MYRIP: variants seen among roughly 807,000 people sequenced by gnomAD.
MYRIP encodes the protein myosin VIIA and Rab interacting protein.
A neutral mutation model predicts 98.0 loss-of-function variants in MYRIP; 49 were observed. The ratio of observed to expected loss-of-function variants is 0.50; its 90% CI spans 0.40 to 0.63. MYRIP has a LOEUF of 0.63. Ranked by LOEUF, MYRIP falls within the 30% of genes least tolerant of loss-of-function variation. MYRIP has a pLI of 0.00. For synonymous variants in MYRIP, 404 were observed against 409.5 expected (o/e 0.99, Z 0.16); for missense variants, 1,004 against 1,058.2 (o/e 0.95, Z 0.71).
At chr3:39,976,649 T>C (rs1329920929) in intron 2 of MYRIP, among the ~76,000 whole-genome samples, 1 of 152,184 alleles carries the variant, frequency 6.6e-6, no homozygotes, top group Non-Finnish European at 1.5e-5. Context: ...CCAACCCAAA[T>C]GTCCAACAAT....
intron 1 of MYRIP, among the ~76,000 whole-genome samples, chr3:39,835,598 GT>G (rs11359496): frequency 0.33 from 50,700 of 151,882 alleles, 8,846 homozygotes; most frequent in African/African-American, 0.42. Flanking sequence ...CTATAAGTAA[GT>G]TTTTTTTATT....
chr3:39,916,782 A>G (rs1944173720), intron 2 of MYRIP, among the ~76,000 whole-genome samples: 1 of 152,154 alleles, frequency 6.6e-6, no homozygotes. Flanking sequence ...CATTTAACAT[A>G]TAGAGGCCCT....
chr3:40,007,253 C>T lies in MYRIP; in HGVS notation c.111-36797C>T, dbSNP rs139367749. On this transcript the variant is annotated intron_variant, in intron 2 of 16. Transcript: ENST00000302541. ...AAAATTCTGATCAGTTGTCAGAGGACCATTCATGTCCTAGGACTTGGCCAT... is the reference window on the plus strand; with the variant it reads ...AAAATTCTGATCAGTTGTCAGAGGATCATTCATGTCCTAGGACTTGGCCAT... Among the ~76,000 whole-genome samples, 165 of 152,104 alleles carry T rather than the reference C, an allele frequency of 1.1e-3. 2 individuals carry two copies. In the East Asian group the frequency reaches 0.027, roughly 25 times the overall value.
At chr3:40,032,385 G>A (rs1195507418) in intron 2 of MYRIP, among the ~76,000 whole-genome samples, 1 of 152,158 alleles carries the variant, frequency 6.6e-6, no homozygotes, top group Non-Finnish European at 1.5e-5. Flanking sequence ...ACTGTGGTCT[G>A]AGAGACAGTT....
intron 12 of MYRIP, 50 bp downstream of exon 12, chr3:40,234,103 A>C (rs370620623): frequency 3.5e-5 from 54 of 1,529,252 alleles, no homozygotes; most frequent in African/African-American, 4.2e-5. Context: ...TGTGAAGAAG[A>C]AGCTGATGAA....
chr3:39,945,170 C>T (rs1346307689), intron 2 of MYRIP, among the ~76,000 whole-genome samples: 1 of 151,402 alleles, frequency 6.6e-6, no homozygotes, highest in African/African-American at 2.4e-5. Context: ...TATTTGGTTA[C>T]CTTAAGAATA....
chr3:40,070,576 C>T (rs556665684), intron 3 of MYRIP, among the ~76,000 whole-genome samples: 41 of 152,288 alleles, frequency 2.7e-4, no homozygotes, highest in African/African-American at 9.6e-4. Context: ...AGGAACCAGC[C>T]TGGTTCCTAA....
At chr3:39,813,622 T>G (rs1559483118) in intron 1 of MYRIP, among the ~76,000 whole-genome samples, 2 of 152,224 alleles carry the variant, frequency 1.3e-5, no homozygotes, top group African/African-American at 4.8e-5. Context: ...CTAGCTGAGT[T>G]GTACTCTTCT....
intron 2 of MYRIP, among the ~76,000 whole-genome samples, chr3:39,916,755 C>T (rs1944173245): frequency 6.6e-6 from 1 of 151,992 alleles, no homozygotes; most frequent in South Asian, 2.1e-4. Context: ...TATGCCACAA[C>T]TAGATATTAA....
chr3:40,091,228 T>G, intron 3 of MYRIP, among the ~76,000 whole-genome samples: 1 of 148,698 alleles, frequency 6.7e-6, no homozygotes, highest in Admixed American at 6.6e-5. Flanking sequence ...GAGGGTAGAG[T>G]AGAAGAGGGT....
chr3:39,820,380 G>A (rs374571055), intron 1 of MYRIP, among the ~76,000 whole-genome samples: 1 of 79,764 alleles, frequency 1.3e-5, no homozygotes, highest in Non-Finnish European at 2.5e-5. Flanking sequence ...TTTACATGAT[G>A]GTTTTGTTTG....
chr3:40,077,974 A>G (rs1040967057), intron 3 of MYRIP, among the ~76,000 whole-genome samples: 1 of 152,204 alleles, frequency 6.6e-6, no homozygotes, highest in Non-Finnish European at 1.5e-5. Flanking sequence ...GCCGTGGAGC[A>G]GGGGGTGGCG....
chr3:40,125,006 C>T (rs1246462094), intron 3 of MYRIP, among the ~76,000 whole-genome samples: 1 of 152,174 alleles, frequency 6.6e-6, no homozygotes, highest in Non-Finnish European at 1.5e-5. Flanking sequence ...CAGATTCCTC[C>T]TCTGTGAAGT....
chr3:39,896,777 T>C (rs1047181211), intron 1 of MYRIP, among the ~76,000 whole-genome samples: 6 of 152,244 alleles, frequency 3.9e-5, no homozygotes, highest in African/African-American at 1.2e-4. Context: ...GGTACTTTAA[T>C]AGAATATCAC....
chr3:40,029,031 A>G (rs1276558851), intron 2 of MYRIP, among the ~76,000 whole-genome samples: 2 of 152,152 alleles, frequency 1.3e-5, no homozygotes, highest in African/African-American at 2.4e-5. Context: ...AGCTCAAGTT[A>G]TCTTATGGAT....
chr3:39,814,567 T>C (rs1285118687), intron 1 of MYRIP, among the ~76,000 whole-genome samples: 2 of 152,214 alleles, frequency 1.3e-5, no homozygotes, highest in Non-Finnish European at 2.9e-5. Context: ...TACTATTTTC[T>C]CACTTATTTT....
At chr3:40,009,777 T>G (rs1370574329) in intron 2 of MYRIP, among the ~76,000 whole-genome samples, 3 of 152,176 alleles carry the variant, frequency 2.0e-5, no homozygotes, top group Non-Finnish European at 2.9e-5. Context: ...AAAACAGTGA[T>G]TTTATCCCGT....
chr3:40,236,344 G>A (rs1181939517), intron 12 of MYRIP, among the ~76,000 whole-genome samples: 1 of 152,134 alleles, frequency 6.6e-6, no homozygotes, highest in Non-Finnish European at 1.5e-5. Context: ...CTATGTTTAG[G>A]TTAAAGGACT....
At chr3:39,938,109 G>A (rs1156718263) in intron 2 of MYRIP, among the ~76,000 whole-genome samples, 1 of 152,130 alleles carries the variant, frequency 6.6e-6, no homozygotes, top group African/African-American at 2.4e-5. Context: ...ATCAAGAAGT[G>A]TGAACTGTCT....
Sources: allele counts gnomAD v4.1 joint callset (sites outside exome capture counted in the v4.1 genomes callset), GRCh38; gene constraint gnomAD v4.1.1; transcripts MANE v1.5; gene names NCBI Gene and HGNC (gene_info 2026-07-23, HGNC 2026-07-21).